Variants in CUL3 observed in about 807,000 individuals in gnomAD.
CUL3 encodes the protein cullin 3.
CUL3 carries 19 observed loss-of-function variants against 89.1 expected under a neutral mutation model. The ratio of observed to expected loss-of-function variants is 0.21; its 90% confidence interval spans 0.15 to 0.31. The LOEUF (loss-of-function observed/expected upper bound fraction) is 0.31, where lower values mean the gene tolerates loss of function less well. Ranked by LOEUF, CUL3 falls within the 10% of genes least tolerant of loss-of-function variation. The pLI is 1.00. For synonymous variants in CUL3, 351 were observed against 308.4 expected (o/e 1.14, Z -1.45); for missense variants, 469 against 942.3 (o/e 0.50, Z 6.58).
chr2:224,532,303 G>T (rs995640392), intron 3 of CUL3, among the ~76,000 whole-genome samples: 2 of 152,132 alleles, frequency 1.3e-5, no homozygotes, highest in Non-Finnish European at 2.9e-5. Flanking sequence ...TATTTAAGGG[G>T]GGATGGTGGG....
At chr2:224,535,385 G>C (rs1693856101) in intron 3 of CUL3, 143 bp downstream of exon 3, 1 of 504,130 alleles carries the variant, frequency 2.0e-6, no homozygotes, top group Non-Finnish European at 3.5e-6. Flanking sequence ...GGCCAGGCTG[G>C]TCTCAATGTC....
intron 15 of CUL3, among the ~76,000 whole-genome samples, chr2:224,474,954 A>G (rs911411102): frequency 6.6e-6 from 1 of 152,202 alleles, no homozygotes; most frequent in Non-Finnish European, 1.5e-5. Context: ...ATAATAACTA[A>G]AGCAGCAGTC....
chr2:224,543,859 C>A (rs1694201553), intron 2 of CUL3, among the ~76,000 whole-genome samples: 1 of 152,014 alleles, frequency 6.6e-6, no homozygotes, highest in Non-Finnish European at 1.5e-5. Flanking sequence ...GTGGTGTGTG[C>A]CTGTAGTCCC....
intron 3 of CUL3, among the ~76,000 whole-genome samples, chr2:224,527,490 T>A (rs1381783948): frequency 6.6e-6 from 1 of 152,222 alleles, no homozygotes; most frequent in East Asian, 1.9e-4. Context: ...TGCCACCTAT[T>A]ACCTTTGGTT....
intron 13 of CUL3, among the ~76,000 whole-genome samples, chr2:224,490,951 C>T (rs1281676669): frequency 3.3e-5 from 5 of 152,016 alleles, no homozygotes; most frequent in Admixed American, 6.5e-5. Flanking sequence ...AGATATCTCA[C>T]GTATCCCATA....
chr2:224,500,329 G>A, intron 11 of CUL3, 34 bp downstream of exon 11: 1 of 1,609,528 alleles, frequency 6.2e-7, no homozygotes, highest in African/African-American at 1.3e-5. Context: ...ACACTTACTT[G>A]TACACAGTGA....
At chr2:224,505,347 G>C (rs1220716984) in intron 8 of CUL3, among the ~76,000 whole-genome samples, 1 of 152,134 alleles carries the variant, frequency 6.6e-6, no homozygotes, top group East Asian at 1.9e-4. Context: ...AAGTTGGTCA[G>C]GCTGGTCTCA....
At chr2:224,522,265 T>C (rs1054682600) in intron 3 of CUL3, among the ~76,000 whole-genome samples, 1 of 151,788 alleles carries the variant, frequency 6.6e-6, no homozygotes, top group Admixed American at 6.6e-5. Context: ...AATAGAAAAA[T>C]TTTAAATGAG....
At chr2:224,566,449 A>T (rs1446841324) in intron 1 of CUL3, among the ~76,000 whole-genome samples, 1 of 152,142 alleles carries the variant, frequency 6.6e-6, no homozygotes, top group East Asian at 1.9e-4. Context: ...TGCCTTGTAC[A>T]CCCTAGTATG....
Position 224,584,965 on chromosome 2 carries a change from C to T in CUL3, c.45G>A (p.Lys15=), listed in dbSNP as rs761689239. 2.7e-6 allele frequency: 4 copies of T among 1,506,530 alleles called. No homozygotes were observed. Among genetic ancestry groups the T allele is most frequent in the Non-Finnish European group, 2.7e-6 (3 of 1,116,580 alleles). The allele number at this position is 1,506,530 out of a possible 1,614,324, so 93.3% of individuals were successfully genotyped here. The change falls in exon 1 of 16, where the codon AAG becomes AAA. Residue 15 remains lysine (K), a synonymous_variant. Transcript: ENST00000264414. ...TCACCGGAAAGGCCCGGATCCGCATCTTGGTGTCCTTCCGGCTGCCCGTGC... is the reference window on the plus strand; with the variant it reads ...TCACCGGAAAGGCCCGGATCCGCATTTTGGTGTCCTTCCGGCTGCCCGTGC... The part of the protein sequence containing the change: ...SKGTGSRKDT[K]MRIRAFPMTM...
chr2:224,527,829 G>C (rs1427549498), intron 3 of CUL3, among the ~76,000 whole-genome samples: 1 of 152,100 alleles, frequency 6.6e-6, no homozygotes, highest in East Asian at 1.9e-4. Flanking sequence ...TAACAGCACA[G>C]ACCCACAGCA....
At position 224,511,358 on chromosome 2, in the gene CUL3, T is replaced by C; in HGVS notation, c.879A>G (p.Thr293=). ...TTTTCAATCGGTAACACTTACCTTC[T>C]GTCTTTCCATTTTTCAACATATGTA... ...GLVHMLKNGK[T]EDLGCMYKLF... is the part of the protein sequence containing the mutation. The change falls in exon 6 of 16, where the codon ACA becomes ACG. Residue 293 remains threonine, a synonymous_variant. Coordinates refer to ENST00000264414, the MANE Select transcript of CUL3 (RefSeq NM_003590.5). The C allele has an allele frequency of 6.3e-7, 1 of 1,594,412 alleles. No individual in the cohort carries two copies. The highest frequency in any genetic ancestry group is 1.3e-5 in the African/African-American group (1 of 74,406).
chr2:224,549,140 A>C (rs1023616253), intron 2 of CUL3, among the ~76,000 whole-genome samples: 1 of 152,032 alleles, frequency 6.6e-6, no homozygotes, highest in African/African-American at 2.4e-5. Flanking sequence ...AACATGGCAA[A>C]ACACCATATT....
intron 1 of CUL3, among the ~76,000 whole-genome samples, chr2:224,566,043 G>C (rs1695033680): frequency 6.6e-6 from 1 of 152,088 alleles, no homozygotes; most frequent in Non-Finnish European, 1.5e-5. Context: ...TGCGTTTAAA[G>C]AGCCTTAAAG....
chr2:224,579,425 A>G (rs1197635363), intron 1 of CUL3, among the ~76,000 whole-genome samples: 1 of 152,144 alleles, frequency 6.6e-6, no homozygotes, highest in African/African-American at 2.4e-5. Flanking sequence ...AGAGAAACCT[A>G]CTATGAAGAT....
At chr2:224,561,741 T>C (rs1694907371) in intron 1 of CUL3, among the ~76,000 whole-genome samples, 1 of 152,168 alleles carries the variant, frequency 6.6e-6, no homozygotes. Context: ...AATGTACTGA[T>C]GCGGCTAACT....
chr2:224,511,697 A>G, intron 5 of CUL3, 115 bp from the exon 6 acceptor site: 1 of 585,874 alleles, frequency 1.7e-6, no homozygotes, highest in South Asian at 2.6e-5. Context: ...AAGTACTATT[A>G]GCATTTTGTG....
chr2:224,476,948 C>G (rs1406572200), intron 15 of CUL3, among the ~76,000 whole-genome samples: 1 of 152,186 alleles, frequency 6.6e-6, no homozygotes, highest in Non-Finnish European at 1.5e-5. Flanking sequence ...TTTCCACCTC[C>G]ATTTCCTTCT....
At chr2:224,497,623 T>A (rs1286659970) in intron 12 of CUL3, 130 bp downstream of exon 12, 2 of 659,444 alleles carry the variant, frequency 3.0e-6, no homozygotes, top group African/African-American at 3.6e-5. Flanking sequence ...CTAGGATTTT[T>A]AACCTTTCTA....
Sources: gnomAD v4.1 joint callset for allele counts (sites outside exome capture counted in the v4.1 genomes callset) on GRCh38, gnomAD v4.1.1 for gene constraint, MANE v1.5 for transcripts, NCBI Gene and HGNC (gene_info 2026-07-23, HGNC 2026-07-21) for gene names.